The following FAM227B variants were observed in gnomAD, a reference collection of about 807,000 sequenced individuals.
The protein encoded by FAM227B is protein FAM227B.
FAM227B carries 88 observed loss-of-function variants against 73.8 expected under a neutral mutation model. The observed-to-expected ratio is 1.19, with a 90% confidence interval of 1.00 to 1.42. The LOEUF is 1.42. FAM227B is among the 40% of genes most tolerant of loss of function. The probability of loss-of-function intolerance (pLI) is 0.00; values close to 1 mark genes in which losing one functional copy is unlikely to be tolerated. For synonymous variants in FAM227B, 210 were observed against 190.5 expected, an observed-to-expected ratio of 1.10 and a Z score of -0.84; for missense variants, 632 against 590.9, an observed-to-expected ratio of 1.07 and a Z score of -0.72.
chr15:49,594,642 T>C lies in FAM227B; in HGVS notation c.106-4635A>G, dbSNP rs532185274. Among the ~76,000 whole-genome samples the C allele has an allele frequency of 8.9e-4, 135 of 152,340 alleles. 5 individuals are homozygous for C. The South Asian group carries it at 0.027, about 30-fold the overall frequency. The stretch of plus-strand genomic sequence containing the variant: ...GATCCAGTTTCATCCTTTTAACATG[T>C]GGCTTGCCAATTATCCCACCAACAT... On this transcript the variant is annotated intron_variant, in intron 3 of 15. Coordinates refer to ENST00000299338, the MANE Select transcript of FAM227B (RefSeq NM_152647.3).
At chr15:49,477,600 G>A (rs1404809881) in intron 11 of FAM227B, among the ~76,000 whole-genome samples, 9 of 152,144 alleles carry the variant, frequency 5.9e-5, no homozygotes, top group South Asian at 2.1e-4. Context: ...TGTGGGTTGC[G>A]TCTGGTTTTT....
intron 9 of FAM227B, among the ~76,000 whole-genome samples, chr15:49,564,794 CATATAG>C (rs1257514912): frequency 6.6e-6 from 1 of 151,844 alleles, no homozygotes; most frequent in Non-Finnish European, 1.5e-5. Flanking sequence ...ACATTGAATA[CATATAG>C]ATATAAAGAT....
intron 11 of FAM227B, among the ~76,000 whole-genome samples, chr15:49,395,187 T>C (rs2047490011): frequency 6.6e-6 from 1 of 152,216 alleles, no homozygotes; most frequent in Non-Finnish European, 1.5e-5. Flanking sequence ...AGCTTTCTTT[T>C]GGTAAATAGT....
chr15:49,503,076 GA>G (rs201702006), intron 11 of FAM227B, among the ~76,000 whole-genome samples: 4,327 of 152,178 alleles, frequency 0.028, 215 homozygotes, highest in African/African-American at 0.1. Flanking sequence ...CCAAAACAGA[GA>G]TATAGATCAA....
At chr15:49,547,019 G>T (rs557428995) in intron 9 of FAM227B, among the ~76,000 whole-genome samples, 2 of 152,052 alleles carry the variant, frequency 1.3e-5, no homozygotes, top group African/African-American at 4.8e-5. Flanking sequence ...AAATGTTAAG[G>T]GCAGCCAGAG....
intron 3 of FAM227B, among the ~76,000 whole-genome samples, chr15:49,600,756 T>C (rs1169371386): frequency 6.6e-6 from 1 of 151,888 alleles, no homozygotes; most frequent in Non-Finnish European, 1.5e-5. Flanking sequence ...AATTTACTAC[T>C]GCCAGGCCGG....
At chr15:49,593,193 C>T (rs1174126013) in intron 3 of FAM227B, among the ~76,000 whole-genome samples, 1 of 152,176 alleles carries the variant, frequency 6.6e-6, no homozygotes, top group Non-Finnish European at 1.5e-5. Context: ...GGGCTGCACC[C>T]TCTGTCCAAC....
chr15:49,564,836 T>C (rs2074518237), intron 9 of FAM227B, among the ~76,000 whole-genome samples: 1 of 151,770 alleles, frequency 6.6e-6, no homozygotes, highest in Non-Finnish European at 1.5e-5. Flanking sequence ...TGGGGACTAC[T>C]AGATAGAAGA....
At chr15:49,538,381 G>A (rs1180893270) in intron 10 of FAM227B, among the ~76,000 whole-genome samples, 1 of 152,144 alleles carries the variant, frequency 6.6e-6, no homozygotes, top group Non-Finnish European at 1.5e-5. Flanking sequence ...AGGCACAACT[G>A]CTCTGGGGGA....
intron 10 of FAM227B, among the ~76,000 whole-genome samples, chr15:49,532,621 T>TA (rs1040447419): frequency 2.1e-4 from 32 of 151,856 alleles, no homozygotes; most frequent in African/African-American, 7.7e-4. Context: ...CATATCTTCT[T>TA]AAAAAAGAGC....
chr15:49,606,967 G>A (rs936229897), intron 3 of FAM227B, among the ~76,000 whole-genome samples: 1 of 152,154 alleles, frequency 6.6e-6, no homozygotes, highest in Non-Finnish European at 1.5e-5. Flanking sequence ...TTATGAATAA[G>A]AGAATACTTT....
intron 5 of FAM227B, among the ~76,000 whole-genome samples, chr15:49,580,036 C>CA (rs937351383): frequency 2.0e-5 from 3 of 151,932 alleles, no homozygotes; most frequent in African/African-American, 4.8e-5. Flanking sequence ...GTTGCAGTAA[C>CA]AAAAAACATA....
At chr15:49,449,806 T>TTTAA (rs1555489662) in intron 11 of FAM227B, among the ~76,000 whole-genome samples, 1 of 151,784 alleles carries the variant, frequency 6.6e-6, no homozygotes, top group Non-Finnish European at 1.5e-5. Context: ...CATAGTCAAT[T>TTTAA]ATAAAGATAC....
In FAM227B at chr15:49,490,318, C is replaced by T. The variant is rs539951376; in HGVS notation, c.1012+17893G>A. The stretch of plus-strand genomic sequence containing the variant: ...GAATACAAAGTGCACAAAAGTTCTC[C>T]CTCCCCCACCACAGTCCATTCTCAA... On this transcript the variant is annotated intron_variant, in intron 11 of 15. Coordinates refer to ENST00000299338, the MANE Select transcript of FAM227B (RefSeq NM_152647.3). Among the ~76,000 whole-genome samples the T allele has an allele frequency of 8.8e-4, 133 of 151,872 alleles. 5 individuals are homozygous for T. The South Asian group carries it at 0.026, about 30-fold the overall frequency.
chr15:49,562,572 C>G (rs2152337963), intron 9 of FAM227B, among the ~76,000 whole-genome samples: 1 of 152,044 alleles, frequency 6.6e-6, no homozygotes, highest in East Asian at 1.9e-4. Flanking sequence ...AGGCCAAGAT[C>G]CCTGATGAAC....
intron 13 of FAM227B, among the ~76,000 whole-genome samples, chr15:49,336,254 T>C (rs935933047): frequency 2.6e-5 from 4 of 152,270 alleles, no homozygotes; most frequent in African/African-American, 9.6e-5. Context: ...TCCAAGTATG[T>C]TGCTAATGAA....
At chr15:49,592,954 CAGT>C (rs2076670795) in intron 3 of FAM227B, among the ~76,000 whole-genome samples, 1 of 152,204 alleles carries the variant, frequency 6.6e-6, no homozygotes, top group South Asian at 2.1e-4. Flanking sequence ...GCTGCACCAG[CAGT>C]GAGCAAAGTT....
At position 49,328,618 on chromosome 15, in the gene FAM227B, A is replaced by G; in HGVS notation, c.1477T>C (p.Ser493Pro). 6.3e-7 allele frequency: 1 copy of G among 1,587,980 alleles called. No homozygotes were observed. Among genetic ancestry groups the G allele is most frequent in the Non-Finnish European group, 8.6e-7 (1 of 1,163,546 alleles). Residue 493 changes from serine to proline, a missense_variant, in exon 16 of 16, where the codon TCA (serine) becomes CCA (proline). Coordinates refer to ENST00000299338, the MANE Select transcript of FAM227B (RefSeq NM_152647.3). ...CVASLSSSSSSSPSSTDNYNF... is the reference protein window; with the variant it reads ...CVASLSSSSSPSPSSTDNYNF... ...TAGTTGTCTGTTGATGATGGTGATG[A>G]TGATGATGATGACGATAGTGATGCC...
At chr15:49,416,460 G>A (rs1394555916) in intron 11 of FAM227B, among the ~76,000 whole-genome samples, 2 of 152,018 alleles carry the variant, frequency 1.3e-5, no homozygotes, top group Non-Finnish European at 2.9e-5. Flanking sequence ...GGACAAAGAT[G>A]CCCTCTCTCA....
Sources: allele counts gnomAD v4.1 joint callset (sites outside exome capture counted in the v4.1 genomes callset), GRCh38; gene constraint gnomAD v4.1.1; transcripts MANE v1.5; gene names NCBI Gene and HGNC (gene_info 2026-07-23, HGNC 2026-07-21).